The following RAPH1 variants were observed in gnomAD, a reference collection of about 807,000 sequenced individuals.
RAPH1 encodes the protein ras-associated and pleckstrin homology domains-containing protein 1.
Under a neutral mutation model 88.1 loss-of-function variants are expected in RAPH1, and 18 were observed. The observed-to-expected ratio is 0.20, with a 90% CI of 0.14 to 0.30. The LOEUF (loss-of-function observed/expected upper bound fraction) is 0.30, where lower values mean the gene tolerates loss of function less well. RAPH1 is among the 10% of genes least tolerant of loss of function. RAPH1 has a pLI of 1.00. For missense variants in RAPH1, 1,448 were observed against 1,543.2 expected (o/e 0.94, Z 1.03); for synonymous variants, 587 against 559.0 (o/e 1.05, Z -0.71).
chr2:203,456,540 C>T (rs1379280051), intron 8 of RAPH1, among the ~76,000 whole-genome samples: 3 of 152,062 alleles, frequency 2.0e-5, no homozygotes, highest in African/African-American at 7.2e-5. Flanking sequence ...TTAAAGAAAT[C>T]AATCATGTAT....
intron 4 of RAPH1, among the ~76,000 whole-genome samples, chr2:203,484,518 T>C (rs1687877032): frequency 6.6e-6 from 1 of 152,130 alleles, no homozygotes; most frequent in Non-Finnish European, 1.5e-5. Context: ...GCCCAAGTTG[T>C]GAAGCATTGT....
At chr2:203,470,582 T>G (rs929858069) in intron 4 of RAPH1, among the ~76,000 whole-genome samples, 2 of 152,224 alleles carry the variant, frequency 1.3e-5, no homozygotes, top group African/African-American at 4.8e-5. Flanking sequence ...AAATGGGTAG[T>G]ACATGCAGAC....
chr2:203,530,722 T>A (rs1177648873), intron 1 of RAPH1, among the ~76,000 whole-genome samples: 1 of 152,028 alleles, frequency 6.6e-6, no homozygotes, highest in Non-Finnish European at 1.5e-5. Context: ...TGAAACTCTG[T>A]CTCTACTAAA....
At position 203,440,327 on chromosome 2, in the gene RAPH1, A is replaced by C; in HGVS notation, c.2863T>G (p.Ser955Ala). Reference protein sequence around the residue: ...TASPTPDKSGSPGKKTSKTSS... With the variant: ...TASPTPDKSGAPGKKTSKTSS... ...GTCTTACTGGTCTTTTTGCCTGGAGATCCACTTTTGTCAGGGGTAGGAGAA... is the reference window on the plus strand; with the variant it reads ...GTCTTACTGGTCTTTTTGCCTGGAGCTCCACTTTTGTCAGGGGTAGGAGAA... The change falls in exon 14 of 14, where the codon TCT (serine) becomes GCT (alanine). Residue 955 changes from serine to alanine, a missense_variant. Physicochemically the swap from Ser to Ala is moderately conservative, Grantham distance 99. Transcript: ENST00000319170. 6.2e-7 allele frequency: 1 copy of C among 1,610,292 alleles called. No individual in the cohort carries two copies. The highest frequency in any genetic ancestry group is 8.5e-7 in the Non-Finnish European group (1 of 1,178,746).
At chr2:203,459,326 C>G (rs1004062775) in intron 7 of RAPH1, among the ~76,000 whole-genome samples, 2 of 152,130 alleles carry the variant, frequency 1.3e-5, no homozygotes, top group African/African-American at 4.8e-5. Flanking sequence ...TTCATTACTA[C>G]TTTTTATTGT....
At chr2:203,470,855 T>C (rs1350219708) in intron 4 of RAPH1, among the ~76,000 whole-genome samples, 1 of 152,186 alleles carries the variant, frequency 6.6e-6, no homozygotes, top group Non-Finnish European at 1.5e-5. Flanking sequence ...ACACACCTGT[T>C]TTCAGTAAAA....
At chr2:203,526,706 CAAAA>C (rs34932665) in intron 1 of RAPH1, among the ~76,000 whole-genome samples, 2 of 80,638 alleles carry the variant, frequency 2.5e-5, no homozygotes, top group Non-Finnish European at 2.3e-5. Context: ...AACTCTGTCT[CAAAA>C]AAAAAAAAAA....
intron 4 of RAPH1, among the ~76,000 whole-genome samples, chr2:203,463,539 G>C (rs1190314564): frequency 6.6e-6 from 1 of 152,170 alleles, no homozygotes; most frequent in African/African-American, 2.4e-5. Context: ...GGTTAGGGAA[G>C]GCAGTGGGCT....
rs536890179 is a variant in RAPH1, at chr2:203,466,502, GTTTA to G, written c.733-4581_733-4578del. Among the ~76,000 whole-genome samples, 186 of 152,260 alleles carry G rather than the reference GTTTA, an allele frequency of 1.2e-3. 1 individual carries two copies. Among genetic ancestry groups the G allele is most frequent in the Admixed American group, 0.012 (186 of 15,284 alleles). On this transcript the variant is annotated intron_variant, in intron 4 of 13. Coordinates refer to ENST00000319170, the MANE Select transcript of RAPH1 (RefSeq NM_213589.3). ...TGACATACTTAGAACACCTCCAATA[GTTTA>G]TTTATAAAGGCAATGCAAATCTACA... is the stretch of plus-strand genomic sequence containing the variant.
Position 203,439,543 on chromosome 2 carries a change from G to A in RAPH1, c.3647C>T (p.Ala1216Val). 6.2e-7 allele frequency: 1 copy of A among 1,614,152 alleles called. No individual in the cohort carries two copies. Among genetic ancestry groups the A allele is most frequent in the African/African-American group, 1.3e-5 (1 of 75,046 alleles). ...TGATATATGACTGCCTCCGTAACCA[G>A]CCTTCTGTTGATCAGACAGCAGTTC... The part of the protein sequence containing the change: ...PPELLSDQQK[A>V]GYGGSHISGY... Residue 1216 changes from alanine (A) to valine (V), a missense_variant, in exon 14 of 14, where the codon GCT becomes GTT. Physicochemically the swap from Ala to Val is moderately conservative, Grantham distance 64. This residue lies in a region of RAPH1 where 935 missense variants were observed against 890.1 expected (regional missense o/e 1.05). Transcript: ENST00000319170.
At position 203,433,904 on chromosome 2, in the gene RAPH1, TACG is replaced by T. The variant is rs1481361698; in HGVS notation, c.*5530_*5532del. 1 of 152,608 alleles carries T rather than the reference TACG, an allele frequency of 6.6e-6. No individual in the cohort carries two copies. Among genetic ancestry groups the T allele is most frequent in the Non-Finnish European group, 1.5e-5 (1 of 68,026 alleles). The allele number at this position is 152,608 out of a possible 1,614,324, so 9.5% of individuals were successfully genotyped here. A position where few individuals can be genotyped will look rare whatever the true frequency, so the allele number is the denominator to read the frequency against. On this transcript the variant is annotated 3_prime_UTR_variant, in exon 14 of 14. Coordinates refer to ENST00000319170, the MANE Select transcript of RAPH1 (RefSeq NM_213589.3). ...AAATGAAAAACATTTACACTGACTG[TACG>T]ACTAGTGTGCTAAGCCATTACAATA...
At chr2:203,507,142 C>G (rs1559495440) in intron 1 of RAPH1, among the ~76,000 whole-genome samples, 1 of 150,860 alleles carries the variant, frequency 6.6e-6, no homozygotes, top group African/African-American at 2.4e-5. Flanking sequence ...GGTGATACGC[C>G]CACCTCGGCC....
chr2:203,493,796 ACT>A (rs1437087393), intron 2 of RAPH1, among the ~76,000 whole-genome samples: 1 of 151,630 alleles, frequency 6.6e-6, no homozygotes, highest in Non-Finnish European at 1.5e-5. Flanking sequence ...ACATGGTGAA[ACT>A]CTGTCTCTAA....
chr2:203,518,663 T>C (rs951519668), intron 1 of RAPH1, among the ~76,000 whole-genome samples: 6 of 151,662 alleles, frequency 4.0e-5, no homozygotes, highest in Non-Finnish European at 7.4e-5. Flanking sequence ...CTGAGCAACA[T>C]AGCAGGACCC....
chr2:203,499,385 AT>A (rs1429889988), intron 1 of RAPH1, among the ~76,000 whole-genome samples: 1 of 151,728 alleles, frequency 6.6e-6, no homozygotes, highest in Non-Finnish European at 1.5e-5. Flanking sequence ...ATTTTGTCCT[AT>A]TTTCAATTTG....
chr2:203,486,064 A>G (rs1219010459), intron 4 of RAPH1, among the ~76,000 whole-genome samples: 2 of 151,402 alleles, frequency 1.3e-5, no homozygotes, highest in East Asian at 3.9e-4. Flanking sequence ...AGCCTAGGAA[A>G]AAAAACCTAA....
In RAPH1 at chr2:203,448,893, A is replaced by G; in HGVS notation, c.1414-57T>C. 8.6e-7 allele frequency: 1 copy of G among 1,169,032 alleles called. No individual in the cohort carries two copies. The highest frequency in any genetic ancestry group is 1.3e-6 in the Non-Finnish European group (1 of 798,062). 72.4% of individuals were successfully genotyped at this position (1,169,032 alleles called of 1,614,324 possible). On this transcript the variant is annotated intron_variant, in intron 10 of 13. Transcript: ENST00000319170. The surrounding 1 kb of genome is among the most constrained non-coding windows in gnomAD (Gnocchi z 4.1). ...CCCTTGGAGAACTAAAGAAAAACAA[A>G]CTTTATCAAAGCTTAAACATATCCT...
intron 1 of RAPH1, among the ~76,000 whole-genome samples, chr2:203,518,890 T>C (rs1689739927): frequency 6.6e-6 from 1 of 152,186 alleles, no homozygotes. Flanking sequence ...TCCATGCCTA[T>C]AAATTTGATA....
In RAPH1 at chr2:203,495,371, G is replaced by C. The variant is rs777548345; in HGVS notation, c.1-18C>G. 1.1e-5 allele frequency: 18 copies of C among 1,613,160 alleles called. No individual in the cohort carries two copies. In the African/African-American group the frequency reaches 2.3e-4, roughly 20 times the overall value. On this transcript the variant is annotated intron_variant, in intron 1 of 13. Coordinates refer to ENST00000319170, the MANE Select transcript of RAPH1 (RefSeq NM_213589.3). ...TGCTCCATCTGAAATACAGACATTT[G>C]TGTAGAATGAATAGTAAGTTACAGG...
Sources: allele counts gnomAD v4.1 joint callset (sites outside exome capture counted in the v4.1 genomes callset), GRCh38; gene constraint gnomAD v4.1.1; regional missense constraint gnomAD v4.1.1; non-coding constraint Gnocchi (gnomAD v3.1); transcripts MANE v1.5; gene names NCBI Gene and HGNC (gene_info 2026-07-23, HGNC 2026-07-21).